Variants in CTPS2 observed in about 807,000 individuals in gnomAD.
The protein encoded by CTPS2 is CTP synthase II.
CTPS2 carries 19 observed loss-of-function variants against 46.8 expected under a neutral mutation model. That is an observed-to-expected ratio of 0.41 (90% CI 0.28 to 0.60). The LOEUF (loss-of-function observed/expected upper bound fraction) is 0.60, where lower values mean the gene tolerates loss of function less well. CTPS2 is among the 20% of genes least tolerant of loss of function. The pLI is 0.35. For missense variants in CTPS2, 286 were observed against 447.6 expected, an observed-to-expected ratio of 0.64 and a Z score of 3.26; for synonymous variants, 151 against 165.2, an observed-to-expected ratio of 0.91 and a Z score of 0.66.
At chrX:16,649,926 A>T (rs922534885) in intron 13 of CTPS2, among the ~76,000 whole-genome samples, 15 of 112,049 alleles carry the variant, frequency 1.3e-4, no homozygotes, top group Non-Finnish European at 2.6e-4. Context: ...TGGAGGGAAA[A>T]TATAATCTCA....
At chrX:16,663,930 G>A (rs922177495) in intron 13 of CTPS2, among the ~76,000 whole-genome samples, 2 of 110,886 alleles carry the variant, frequency 1.8e-5, no homozygotes, top group Non-Finnish European at 3.8e-5. Flanking sequence ...CTGCCTCCTG[G>A]GTTCACGCCA....
At position 16,668,770 on chromosome X, in the gene CTPS2, A is replaced by AAAGGAAGGAAGGAAGG. The variant is rs753753580; in HGVS notation, c.1190-1062_1190-1047dup. ...GAAAGAAAGAAGGAAGGAAGGAAGGAAAGGAAGGAAGGAAGGAAGGAAGGA... is the reference window on the plus strand; with the variant it reads ...GAAAGAAAGAAGGAAGGAAGGAAGGAAAGGAAGGAAGGAAGGAAGGAAGGAAGGAAGGAAGGAAGGA... On this transcript the variant is annotated intron_variant, in intron 11 of 18. Coordinates refer to ENST00000359276, the MANE Select transcript of CTPS2 (RefSeq NM_175859.3). 2.4e-3 allele frequency among the ~76,000 whole-genome samples: 174 copies of AAAGGAAGGAAGGAAGG among 73,617 alleles called. 1 individual carries two copies. Among genetic ancestry groups the AAAGGAAGGAAGGAAGG allele is most frequent in the African/African-American group, 7.8e-3 (135 of 17,347 alleles). 63.9% of individuals were successfully genotyped at this position (73,617 alleles called of 115,157 possible). A position where few individuals can be genotyped will look rare whatever the true frequency, so the allele number is the denominator to read the frequency against.
At chrX:16,702,136 C>T (rs950193623) in intron 2 of CTPS2, among the ~76,000 whole-genome samples, 1 of 110,772 alleles carries the variant, frequency 9.0e-6, no homozygotes, top group Non-Finnish European at 1.9e-5. Context: ...CTCACTGCAA[C>T]CTCCGCCTGC....
intron 17 of CTPS2, among the ~76,000 whole-genome samples, chrX:16,605,824 CA>C (rs1929942581): frequency 8.8e-6 from 1 of 113,003 alleles, no homozygotes. Context: ...ACCCCCTAAA[CA>C]AGACTCTTAT....
intron 13 of CTPS2, among the ~76,000 whole-genome samples, chrX:16,646,320 G>A (rs1323507393): frequency 8.9e-6 from 1 of 112,500 alleles, no homozygotes; most frequent in African/African-American, 3.2e-5. Flanking sequence ...GTCCTTGGAT[G>A]TCTCTACAGA....
chrX:16,690,185 A>G (rs996195606), intron 7 of CTPS2, among the ~76,000 whole-genome samples: 7 of 110,375 alleles, frequency 6.3e-5, no homozygotes, highest in African/African-American at 2.3e-4. Context: ...AGCCTGGCCA[A>G]CATGGTGAAA....
At chrX:16,625,714 G>C (rs952103508) in intron 14 of CTPS2, among the ~76,000 whole-genome samples, 1 of 105,676 alleles carries the variant, frequency 9.5e-6, no homozygotes, top group Admixed American at 1.0e-4. Context: ...CTCTCAGTGG[G>C]ATGGATGGGG....
chrX:16,613,433 T>A (rs1341489517), intron 16 of CTPS2, among the ~76,000 whole-genome samples: 1 of 111,734 alleles, frequency 8.9e-6, no homozygotes, highest in Non-Finnish European at 1.9e-5. Context: ...GTTCTAGGGA[T>A]GGCAGTGCAA....
intron 9 of CTPS2, among the ~76,000 whole-genome samples, chrX:16,678,897 A>G (rs1482865268): frequency 9.1e-6 from 1 of 110,285 alleles, no homozygotes; most frequent in Non-Finnish European, 1.9e-5. Flanking sequence ...AGCAACTAGG[A>G]CGTCACTAGA....
At chrX:16,606,800 C>T (rs1018707810) in intron 17 of CTPS2, among the ~76,000 whole-genome samples, 5 of 110,494 alleles carry the variant, frequency 4.5e-5, no homozygotes, top group East Asian at 2.8e-4. Flanking sequence ...CTCCCTCTGT[C>T]GCCCAAGCTG....
At chrX:16,601,356 G>A (rs769795495) in intron 17 of CTPS2, among the ~76,000 whole-genome samples, 2 of 110,637 alleles carry the variant, frequency 1.8e-5, no homozygotes, top group African/African-American at 3.3e-5. Context: ...ATTCACCTCC[G>A]ATTCGCCACC....
chrX:16,706,917 C>T (rs1421002163), intron 1 of CTPS2, among the ~76,000 whole-genome samples: 1 of 108,400 alleles, frequency 9.2e-6, no homozygotes, highest in African/African-American at 3.4e-5. Flanking sequence ...GTAGTATGCG[C>T]CTGTAATCCC....
chrX:16,664,565 A>C (rs1467066081), intron 13 of CTPS2, among the ~76,000 whole-genome samples: 3 of 111,952 alleles, frequency 2.7e-5, no homozygotes, highest in Non-Finnish European at 5.6e-5. Context: ...TTCCCTAAGA[A>C]GGGAAGTGGA....
At position 16,659,222 on chromosome X, in the gene CTPS2, T is replaced by C. The variant is rs1324773117; in HGVS notation, c.1296+8292A>G. On this transcript the variant is annotated intron_variant, in intron 13 of 18. Transcript: ENST00000359276. ...TACATTATCTATTTCAACTCCAACA[T>C]ATATAAAGTACTTATTATGGGCAAG... 2.7e-5 allele frequency among the ~76,000 whole-genome samples: 3 copies of C among 111,527 alleles called. No homozygotes were observed. The Admixed American group carries it at 2.9e-4, about 11-fold the overall frequency.
chrX:16,695,487 C>A (rs368662378), intron 4 of CTPS2, among the ~76,000 whole-genome samples: 1 of 112,304 alleles, frequency 8.9e-6, no homozygotes, highest in Non-Finnish European at 1.9e-5. Flanking sequence ...ATGAGATGTG[C>A]AAAGTTGTTT....
rs1258578010 is a variant in CTPS2 at position 16,710,060 on chromosome X, T to C, written c.-40+2275A>G. Among the ~76,000 whole-genome samples, 3 of 109,210 alleles carry C rather than the reference T, an allele frequency of 2.7e-5. No homozygotes were observed. In the Admixed American group the frequency reaches 3.0e-4, roughly 11 times the overall value. The allele number at this position is 109,210 out of a possible 115,157, so 94.8% of individuals were successfully genotyped here. ...CCTCATACTCCCCCAAGGCAAGTCA[T>C]AGAAACTAGAACCCTTTTCCCCCCA... On this transcript the variant is annotated intron_variant, in intron 1 of 18. Transcript: ENST00000359276.
chrX:16,678,073 G>A (rs1355473517), intron 10 of CTPS2, among the ~76,000 whole-genome samples: 1 of 111,666 alleles, frequency 9.0e-6, no homozygotes, highest in East Asian at 2.8e-4. Flanking sequence ...GCATCTTCCA[G>A]GAGAATCAAC....
At chrX:16,625,692 TGGTGGA>T (rs1444062874) in intron 14 of CTPS2, among the ~76,000 whole-genome samples, 2 of 108,463 alleles carry the variant, frequency 1.8e-5, no homozygotes, top group African/African-American at 7.0e-5. Flanking sequence ...TTTTATTGAG[TGGTGGA>T]GGTGGCTCTC....
intron 1 of CTPS2, among the ~76,000 whole-genome samples, chrX:16,709,848 C>CAAAAAAA (rs35017705): frequency 8.4e-5 from 2 of 23,747 alleles, no homozygotes; most frequent in Non-Finnish European, 1.3e-4. Flanking sequence ...ACTCTGTCTC[C>CAAAAAAA]AAAAAAAAAA....
Sources: allele counts gnomAD v4.1 joint callset (sites outside exome capture counted in the v4.1 genomes callset), GRCh38; gene constraint gnomAD v4.1.1; transcripts MANE v1.5; gene names NCBI Gene and HGNC (gene_info 2026-07-23, HGNC 2026-07-21).